ADAMTS6: variants seen among roughly 807,000 people sequenced by gnomAD.
The protein encoded by ADAMTS6 is A disintegrin and metalloproteinase with thrombospondin motifs 6.
A neutral mutation model predicts 144.3 loss-of-function variants in ADAMTS6; 23 were observed. The observed-to-expected ratio is 0.16, with a 90% CI of 0.11 to 0.23. The LOEUF is 0.23. ADAMTS6 is among the 10% of genes least tolerant of loss of function. The probability of loss-of-function intolerance (pLI) is 1.00; values close to 1 mark genes in which losing one functional copy is unlikely to be tolerated. For missense variants in ADAMTS6, 999 were observed against 1,379.6 expected, an observed-to-expected ratio of 0.72 and a Z score of 4.37; for synonymous variants, 444 against 457.5, an observed-to-expected ratio of 0.97 and a Z score of 0.38.
chr5:65,231,935 C>A (rs1446797353), intron 15 of ADAMTS6, among the ~76,000 whole-genome samples: 1 of 151,920 alleles, frequency 6.6e-6, no homozygotes, highest in Non-Finnish European at 1.5e-5. Flanking sequence ...CATGTTGAAA[C>A]CTAGTCTCTA....
At chr5:65,355,554 A>C (rs1278790308) in intron 7 of ADAMTS6, among the ~76,000 whole-genome samples, 1 of 151,880 alleles carries the variant, frequency 6.6e-6, no homozygotes, top group Non-Finnish European at 1.5e-5. Flanking sequence ...CCTTCTCTAA[A>C]TCCATCTTTA....
rs762225353 is a variant in ADAMTS6 at position 65,188,172 on chromosome 5, C to G, written c.2754G>C (p.Gly918=). Residue 918 remains glycine (G), a synonymous_variant, in exon 22 of 25, where the codon GGG becomes GGC. Coordinates refer to ENST00000381055, the MANE Select transcript of ADAMTS6 (RefSeq NM_197941.4). ...WLECSKTCDG[G]MRTRAVLCIR... is the part of the protein sequence containing the mutation. Reference sequence around the variant, plus strand: ...TGCAGAGCACTGCCCTTGTGCGCATCCCACCATCACAAGTCTTGCTGCATT... The same window carrying G: ...TGCAGAGCACTGCCCTTGTGCGCATGCCACCATCACAAGTCTTGCTGCATT... 18 of 1,614,140 alleles carry G rather than the reference C, an allele frequency of 1.1e-5. No homozygotes were observed. In the East Asian group the frequency reaches 4.0e-4, roughly 36 times the overall value.
intron 7 of ADAMTS6, among the ~76,000 whole-genome samples, chr5:65,428,225 CAA>C (rs759344039): frequency 2.4e-4 from 14 of 58,406 alleles, no homozygotes; most frequent in African/African-American, 4.8e-4. Context: ...GACTCCATCT[CAA>C]AAAAAAAAAA....
intron 20 of ADAMTS6, among the ~76,000 whole-genome samples, chr5:65,203,572 T>C (rs971305718): frequency 6.6e-6 from 1 of 152,196 alleles, no homozygotes; most frequent in Admixed American, 6.5e-5. Context: ...TTTAAACATA[T>C]ATAAAATCCC....
chr5:65,379,079 T>C (rs113241036), intron 7 of ADAMTS6, among the ~76,000 whole-genome samples: 7 of 152,352 alleles, frequency 4.6e-5, no homozygotes, highest in African/African-American at 1.7e-4. Context: ...GGTAATCATT[T>C]AAAAATAAAG....
chr5:65,302,171 A>G (rs1467022827), intron 9 of ADAMTS6, among the ~76,000 whole-genome samples: 2 of 144,012 alleles, frequency 1.4e-5, no homozygotes, highest in Non-Finnish European at 3.0e-5. Context: ...TATTTATATG[A>G]TATTATACAT....
At chr5:65,191,264 C>T (rs1209916712) in intron 21 of ADAMTS6, among the ~76,000 whole-genome samples, 3 of 152,058 alleles carry the variant, frequency 2.0e-5, no homozygotes, top group African/African-American at 7.2e-5. Flanking sequence ...ATCTGACCTA[C>T]AGTCCCGATC....
intron 7 of ADAMTS6, among the ~76,000 whole-genome samples, chr5:65,336,072 C>T (rs1485828519): frequency 6.6e-6 from 1 of 152,002 alleles, no homozygotes; most frequent in East Asian, 1.9e-4. Context: ...AATGCTAAAC[C>T]AGATTTGTTT....
In ADAMTS6 at chr5:65,448,853, C is replaced by T. The variant is rs1437571727; in HGVS notation, c.1073+2622G>A. On this transcript the variant is annotated intron_variant, in intron 7 of 24. Transcript: ENST00000381055. ...ACCCATAAACAGTCAGGTCACACCC[C>T]GAACATGTTAATAAGTGAGTTAGAT... Among the ~76,000 whole-genome samples the T allele has an allele frequency of 3.9e-5, 6 of 152,170 alleles. No homozygotes were observed. In the East Asian group the frequency reaches 9.6e-4, roughly 24 times the overall value.
chr5:65,223,615 C>G (rs1757487856), intron 18 of ADAMTS6, among the ~76,000 whole-genome samples: 1 of 152,102 alleles, frequency 6.6e-6, no homozygotes, highest in African/African-American at 2.4e-5. Flanking sequence ...CCAGGTTCAT[C>G]CATATTGTTG....
intron 13 of ADAMTS6, among the ~76,000 whole-genome samples, chr5:65,262,058 A>C (rs1250879320): frequency 6.6e-6 from 1 of 152,212 alleles, no homozygotes; most frequent in African/African-American, 2.4e-5. Context: ...GACATGCGGC[A>C]GCCAAAGAAC....
intron 1 of ADAMTS6, among the ~76,000 whole-genome samples, chr5:65,477,909 C>T (rs1760948559): frequency 6.6e-6 from 1 of 151,974 alleles, no homozygotes; most frequent in Non-Finnish European, 1.5e-5. Flanking sequence ...GGGCAGATCA[C>T]CTGAGGTCAG....
At chr5:65,157,293 C>T (rs1207597829) in intron 24 of ADAMTS6, among the ~76,000 whole-genome samples, 1 of 152,230 alleles carries the variant, frequency 6.6e-6, no homozygotes, top group East Asian at 1.9e-4. Context: ...TCTTTCAAAA[C>T]TCTGACCTAA....
chr5:65,411,554 C>A (rs1196762127), intron 7 of ADAMTS6, among the ~76,000 whole-genome samples: 1 of 152,120 alleles, frequency 6.6e-6, no homozygotes, highest in Non-Finnish European at 1.5e-5. Context: ...GTCAATCCTT[C>A]CCCATAGTCT....
chr5:65,398,941 T>A (rs1753683079), intron 7 of ADAMTS6, among the ~76,000 whole-genome samples: 1 of 152,100 alleles, frequency 6.6e-6, no homozygotes. Flanking sequence ...TTACTTTTAA[T>A]CTATATGTGT....
intron 9 of ADAMTS6, among the ~76,000 whole-genome samples, chr5:65,304,894 C>G (rs565566308): frequency 4.0e-5 from 6 of 151,582 alleles, no homozygotes; most frequent in African/African-American, 1.5e-4. Flanking sequence ...CAAGTAAATG[C>G]AATGGAAACT....
chr5:65,192,869 C>T (rs1006418591), intron 21 of ADAMTS6, among the ~76,000 whole-genome samples: 10 of 151,790 alleles, frequency 6.6e-5, no homozygotes, highest in Admixed American at 5.9e-4. Flanking sequence ...TCTATTTTTC[C>T]TAGTCCTCCG....
At chr5:65,223,661 T>A (rs1197809611) in intron 18 of ADAMTS6, among the ~76,000 whole-genome samples, 1 of 152,212 alleles carries the variant, frequency 6.6e-6, no homozygotes, top group Non-Finnish European at 1.5e-5. Context: ...TAAGGCTGAA[T>A]AATATTCTAT....
In ADAMTS6 at chr5:65,176,674, C is replaced by A. The variant is rs1472429806; in HGVS notation, c.2911-3666G>T. 3.4e-4 allele frequency among the ~76,000 whole-genome samples: 52 copies of A among 152,262 alleles called. 1 individual carries two copies. Among genetic ancestry groups the A allele is most frequent in the Non-Finnish European group, 7.4e-5 (5 of 68,014 alleles). ...TTAAAAAGAGTCTATAAAAATCTTA[C>A]CTTATGGTCTGACATTAAAAATTGA... On this transcript the variant is annotated intron_variant, in intron 22 of 24. Transcript: ENST00000381055.
Sources: allele counts gnomAD v4.1 joint callset (sites outside exome capture counted in the v4.1 genomes callset), GRCh38; gene constraint gnomAD v4.1.1; transcripts MANE v1.5; gene names NCBI Gene and HGNC (gene_info 2026-07-23, HGNC 2026-07-21).